RPH3A: variants seen among roughly 807,000 people sequenced by gnomAD.
The protein encoded by RPH3A is rabphilin 3A, also known as rabphilin-3A.
A neutral mutation model predicts 102.2 loss-of-function variants in RPH3A; 48 were observed. The ratio of observed to expected loss-of-function variants is 0.47; its 90% confidence interval spans 0.37 to 0.60. The LOEUF is 0.60. Among genes scored for constraint, RPH3A ranks in the 20% least tolerant of loss-of-function variants. The pLI is 0.00. For synonymous variants in RPH3A, 310 were observed against 324.3 expected (o/e 0.96, Z 0.47); for missense variants, 781 against 910.1 (o/e 0.86, Z 1.83).
At chr12:112,710,900 G>C (rs1477628077) in intron 1 of RPH3A, among the ~76,000 whole-genome samples, 3 of 151,948 alleles carry the variant, frequency 2.0e-5, no homozygotes, top group Non-Finnish European at 4.4e-5. Context: ...ACAGCACCTA[G>C]CACATAGTAG....
At chr12:112,632,065 T>TAGG (rs2039810892) in intron 1 of RPH3A, among the ~76,000 whole-genome samples, 1 of 152,140 alleles carries the variant, frequency 6.6e-6, no homozygotes, top group African/African-American at 2.4e-5. Flanking sequence ...TCCTGCACTG[T>TAGG]TCTTATGATA....
intron 2 of RPH3A, among the ~76,000 whole-genome samples, chr12:112,803,595 A>G (rs1331839564): frequency 3.3e-5 from 5 of 151,732 alleles, no homozygotes; most frequent in African/African-American, 1.2e-4. Context: ...TACTAATTGC[A>G]ATTGTGAAGA....
At chr12:112,635,904 GT>G (rs1243232844) in intron 1 of RPH3A, among the ~76,000 whole-genome samples, 7 of 152,144 alleles carry the variant, frequency 4.6e-5, no homozygotes, top group African/African-American at 1.4e-4. Context: ...ACTAATGTTA[GT>G]AACCCATGTC....
chr12:112,794,484 G>A (rs1565884217), intron 2 of RPH3A, among the ~76,000 whole-genome samples: 1 of 152,174 alleles, frequency 6.6e-6, no homozygotes, highest in African/African-American at 2.4e-5. Flanking sequence ...GAGCTCAGCT[G>A]GAAAGGGGTC....
At chr12:112,801,932 G>T (rs555257192) in intron 2 of RPH3A, among the ~76,000 whole-genome samples, 2 of 152,202 alleles carry the variant, frequency 1.3e-5, no homozygotes, top group Admixed American at 1.3e-4. Context: ...ATGTTTTTAA[G>T]ATCCATCCAC....
At chr12:112,713,091 CTT>C (rs1942916901) in intron 1 of RPH3A, among the ~76,000 whole-genome samples, 1 of 117,874 alleles carries the variant, frequency 8.5e-6, no homozygotes, top group Non-Finnish European at 1.8e-5. Context: ...TCTTCTTCTT[CTT>C]CTTCTTCTTT....
At chr12:112,832,151 T>C (rs930091975) in intron 3 of RPH3A, among the ~76,000 whole-genome samples, 2 of 152,172 alleles carry the variant, frequency 1.3e-5, no homozygotes, top group Non-Finnish European at 2.9e-5. Flanking sequence ...GCTCTGTCTG[T>C]TCTCTCCTTC....
chr12:112,591,211 G>T (rs971315974), intron 1 of RPH3A, among the ~76,000 whole-genome samples: 1 of 151,176 alleles, frequency 6.6e-6, no homozygotes. Flanking sequence ...TCAGCCTCCT[G>T]AGTAGCTGGG....
At chr12:112,756,447 G>C (rs2040824038) in intron 1 of RPH3A, among the ~76,000 whole-genome samples, 1 of 152,092 alleles carries the variant, frequency 6.6e-6, no homozygotes, top group South Asian at 2.1e-4. Context: ...CCTGACCTGA[G>C]GTGATCCACC....
chr12:112,704,956 A>G (rs2040418516), intron 1 of RPH3A, among the ~76,000 whole-genome samples: 2 of 152,186 alleles, frequency 1.3e-5, no homozygotes, highest in Admixed American at 1.3e-4. Context: ...GACTGGCTGA[A>G]TTGAATGCAG....
rs1333882397 is a variant in RPH3A, at chr12:112,896,545, T to C, written c.1955-105T>C. 1.6e-5 allele frequency: 21 copies of C among 1,301,872 alleles called. No individual in the cohort carries two copies. In the Admixed American group the frequency reaches 2.5e-4, roughly 16 times the overall value. 80.6% of individuals were successfully genotyped at this position (1,301,872 alleles called of 1,614,324 possible). The stretch of plus-strand genomic sequence containing the variant: ...TCTCTATAGAGTATGGATCCCAGGT[T>C]GCTGGGGGTCACTGCTTGGTGCAGT... On this transcript the variant is annotated intron_variant, in intron 21 of 21. Coordinates refer to ENST00000389385, the MANE Select transcript of RPH3A (RefSeq NM_001143854.2).
intron 4 of RPH3A, among the ~76,000 whole-genome samples, chr12:112,841,173 T>TAAAAAAAAAAAAAAAAAAAAAAAAAA (rs11447068): frequency 6.0e-4 from 20 of 33,352 alleles, no homozygotes; most frequent in East Asian, 1.1e-3. Flanking sequence ...CCTTGTTTCT[T>TAAAAAAAAAAAAAAAAAAAAAAAAAA]AAAAAAAAAA....
chr12:112,734,355 ACT>A (rs2040654044), intron 1 of RPH3A, among the ~76,000 whole-genome samples: 1 of 152,132 alleles, frequency 6.6e-6, no homozygotes, highest in African/African-American at 2.4e-5. Flanking sequence ...GTGTGAATAC[ACT>A]CTATGATGTT....
At chr12:112,661,506 C>T (rs559349593) in intron 1 of RPH3A, among the ~76,000 whole-genome samples, 2 of 152,198 alleles carry the variant, frequency 1.3e-5, no homozygotes, top group South Asian at 4.2e-4. Flanking sequence ...TAAATGTGCA[C>T]CTGGGATTCT....
chr12:112,754,479 G>A (rs546202111), intron 1 of RPH3A, among the ~76,000 whole-genome samples: 332 of 152,198 alleles, frequency 2.2e-3, no homozygotes, highest in African/African-American at 7.3e-3. Context: ...AATAGAACTG[G>A]AGATTTATAT....
At position 112,868,432 on chromosome 12, in the gene RPH3A, G is replaced by A; in HGVS notation, c.447G>A (p.Val149=). ...LCKICIEQRE[V]WKRSGAWFFK... ...AATCCCTGTCTCTCCTCCCCAAGGT[G>A]TGGAAGCGTTCTGGAGCGTGGTTCT... Residue 149 remains valine, a splice_region_variant and synonymous_variant, in exon 8 of 22, where the codon GTG becomes GTA. Coordinates refer to ENST00000389385, the MANE Select transcript of RPH3A (RefSeq NM_001143854.2). 6.2e-7 allele frequency: 1 copy of A among 1,613,964 alleles called. No individual in the cohort carries two copies. Among genetic ancestry groups the A allele is most frequent in the Non-Finnish European group, 8.5e-7 (1 of 1,179,884 alleles).
At chr12:112,591,118 A>G (rs2039474763) in intron 1 of RPH3A, among the ~76,000 whole-genome samples, 1 of 150,624 alleles carries the variant, frequency 6.6e-6, no homozygotes, top group Admixed American at 6.6e-5. Flanking sequence ...ACACCCAGAT[A>G]ATTAATTTTT....
Position 112,706,642 on chromosome 12 carries a change from A to T in RPH3A, c.-139-85501A>T, listed in dbSNP as rs574960721. Among the ~76,000 whole-genome samples, 204 of 152,332 alleles carry T rather than the reference A, an allele frequency of 1.3e-3. 1 individual carries two copies. The highest frequency in any genetic ancestry group is 2.5e-3 in the Non-Finnish European group (170 of 68,032). Reference sequence around the variant, plus strand: ...AGGTTTAGCTAGGTGAAGATGGTGGATGGGTGGTCCTGACCGAGTGTCTCA... The same window carrying T: ...AGGTTTAGCTAGGTGAAGATGGTGGTTGGGTGGTCCTGACCGAGTGTCTCA... On this transcript the variant is annotated intron_variant, in intron 1 of 21. Transcript: ENST00000543106.
chr12:112,728,468 G>A (rs1002013243), intron 1 of RPH3A, among the ~76,000 whole-genome samples: 5 of 152,074 alleles, frequency 3.3e-5, no homozygotes, highest in Admixed American at 3.3e-4. Flanking sequence ...AATGTTTTGT[G>A]TGTGTTTATA....
Sources: gnomAD v4.1 joint callset for allele counts (sites outside exome capture counted in the v4.1 genomes callset) on GRCh38, gnomAD v4.1.1 for gene constraint, MANE v1.5 for transcripts, NCBI Gene and HGNC (gene_info 2026-07-23, HGNC 2026-07-21) for gene names.